The following EXOC4 variants were observed in gnomAD, a reference collection of about 807,000 sequenced individuals.
EXOC4 encodes the protein SEC8-like 1.
EXOC4 carries 71 observed loss-of-function variants against 107.2 expected under a neutral mutation model. The observed-to-expected ratio is 0.66, with a 90% confidence interval of 0.55 to 0.81. The LOEUF (loss-of-function observed/expected upper bound fraction) is 0.81, where lower values mean the gene tolerates loss of function less well. Ranked by LOEUF, EXOC4 falls within the 30% of genes least tolerant of loss-of-function variation. The probability of loss-of-function intolerance (pLI) is 0.00; values close to 1 mark genes in which losing one functional copy is unlikely to be tolerated. For missense variants in EXOC4, 1,108 were observed against 1,189.6 expected (o/e 0.93, Z 1.01); for synonymous variants, 456 against 441.2 (o/e 1.03, Z -0.42).
intron 9 of EXOC4, among the ~76,000 whole-genome samples, chr7:133,587,734 G>C (rs982914794): frequency 1.3e-5 from 2 of 152,136 alleles, no homozygotes; most frequent in Non-Finnish European, 2.9e-5. Context: ...TTAGAAAGAA[G>C]AACTCAGGAT....
chr7:133,983,375 C>A (rs1043580465), intron 14 of EXOC4, among the ~76,000 whole-genome samples: 1 of 152,086 alleles, frequency 6.6e-6, no homozygotes, highest in African/African-American at 2.4e-5. Context: ...GATGCAGCTG[C>A]CTCAGAAAGA....
chr7:133,846,490 A>G lies in EXOC4; in HGVS notation c.1734+28946A>G, dbSNP rs1798129693. 4.6e-5 allele frequency among the ~76,000 whole-genome samples: 7 copies of G among 152,134 alleles called. No individual in the cohort carries two copies. In the South Asian group the frequency reaches 1.4e-3, roughly 31 times the overall value. ...GTGGCGTTCATCCTGTAGTGTTCCT[A>G]CGGGTTTAGGGAGTCCCTTTCCAGT... is the stretch of plus-strand genomic sequence containing the variant. On this transcript the variant is annotated intron_variant, in intron 11 of 17. Transcript: ENST00000253861.
At chr7:133,311,862 G>C (rs1794879219) in intron 4 of EXOC4, among the ~76,000 whole-genome samples, 1 of 152,150 alleles carries the variant, frequency 6.6e-6, no homozygotes, top group African/African-American at 2.4e-5. Context: ...ATCATGAGTA[G>C]TCAGAGAAAT....
At chr7:133,853,896 T>C (rs928682925) in intron 11 of EXOC4, among the ~76,000 whole-genome samples, 1 of 152,204 alleles carries the variant, frequency 6.6e-6, no homozygotes, top group African/African-American at 2.4e-5. Flanking sequence ...AGGTGCATTC[T>C]TTGGCTGGCA....
At chr7:133,958,668 G>C (rs867219455) in intron 14 of EXOC4, among the ~76,000 whole-genome samples, 4 of 152,152 alleles carry the variant, frequency 2.6e-5, no homozygotes, top group Non-Finnish European at 5.9e-5. Flanking sequence ...CATTGAAAGA[G>C]GAAATGAAGA....
chr7:133,685,849 A>G (rs576778719), intron 10 of EXOC4, among the ~76,000 whole-genome samples: 4 of 152,222 alleles, frequency 2.6e-5, no homozygotes, highest in Admixed American at 2.0e-4. Context: ...TGTACATCAT[A>G]CCTATTAATT....
Position 133,559,399 on chromosome 7 carries a change from G to A in EXOC4, c.1418-70646G>A, listed in dbSNP as rs555409880. 2.6e-5 allele frequency among the ~76,000 whole-genome samples: 4 copies of A among 151,822 alleles called. No homozygotes were observed. The South Asian group carries it at 8.3e-4, about 32-fold the overall frequency. ...TTTAATTTTTCTGTATTACATCTAG[G>A]CCTTTAATCTATATAGAATTTATTT... On this transcript the variant is annotated intron_variant, in intron 9 of 17. Coordinates refer to ENST00000253861, the MANE Select transcript of EXOC4 (RefSeq NM_021807.4).
At chr7:133,331,708 G>T (rs1011642812) in intron 5 of EXOC4, among the ~76,000 whole-genome samples, 8 of 151,842 alleles carry the variant, frequency 5.3e-5, no homozygotes, top group Non-Finnish European at 1.0e-4. Context: ...CTTGTGATCC[G>T]CCCGCCTCGG....
intron 10 of EXOC4, among the ~76,000 whole-genome samples, chr7:133,716,360 G>A (rs1411741097): frequency 1.3e-5 from 2 of 152,188 alleles, no homozygotes; most frequent in East Asian, 1.9e-4. Context: ...ATATGGGAGC[G>A]AGTCTTGGGT....
intron 7 of EXOC4, among the ~76,000 whole-genome samples, chr7:133,474,610 GC>G: frequency 6.6e-6 from 1 of 152,236 alleles, no homozygotes; most frequent in East Asian, 1.9e-4. Context: ...ACTGTGCCTA[GC>G]TAGTAGTTGA....
At chr7:133,259,825 C>G (rs1023319973) in intron 1 of EXOC4, among the ~76,000 whole-genome samples, 3 of 152,096 alleles carry the variant, frequency 2.0e-5, no homozygotes, top group Non-Finnish European at 4.4e-5. Flanking sequence ...AATATGGGAT[C>G]TTACTCTATA....
chr7:133,278,203 G>A (rs1435928562), intron 2 of EXOC4, among the ~76,000 whole-genome samples: 1 of 152,162 alleles, frequency 6.6e-6, no homozygotes, highest in African/African-American at 2.4e-5. Context: ...AGATAACGTT[G>A]AACAACATTT....
At chr7:133,759,371 A>G (rs1233977287) in intron 10 of EXOC4, among the ~76,000 whole-genome samples, 2 of 152,206 alleles carry the variant, frequency 1.3e-5, no homozygotes, top group Non-Finnish European at 2.9e-5. Flanking sequence ...GGGAGAGGCT[A>G]CTAAATGATG....
chr7:133,973,470 T>C lies in EXOC4; in HGVS notation c.2207-24022T>C, dbSNP rs180829128. On this transcript the variant is annotated intron_variant, in intron 14 of 17. Transcript: ENST00000253861. Reference sequence around the variant, plus strand: ...GAAAAGGCTATGAAGTGGAAGAAAATATGGTGAGTTCAGAGTAATTCACAT... The same window carrying C: ...GAAAAGGCTATGAAGTGGAAGAAAACATGGTGAGTTCAGAGTAATTCACAT... 1.1e-4 allele frequency among the ~76,000 whole-genome samples: 16 copies of C among 152,188 alleles called. No individual in the cohort carries two copies. The East Asian group carries it at 3.1e-3, about 29-fold the overall frequency.
At chr7:133,919,300 A>C (rs1799884559) in intron 13 of EXOC4, among the ~76,000 whole-genome samples, 1 of 151,992 alleles carries the variant, frequency 6.6e-6, no homozygotes, top group East Asian at 1.9e-4. Context: ...ACCTCCCCCA[A>C]CCATTTCCTC....
intron 9 of EXOC4, among the ~76,000 whole-genome samples, chr7:133,516,293 A>T (rs1799874356): frequency 2.0e-5 from 3 of 152,192 alleles, no homozygotes; most frequent in South Asian, 4.1e-4. Flanking sequence ...CACCACAGTC[A>T]ATTTAAGGAC....
At chr7:133,337,162 TTTG>T (rs1795536941) in intron 5 of EXOC4, among the ~76,000 whole-genome samples, 1 of 152,214 alleles carries the variant, frequency 6.6e-6, no homozygotes, top group African/African-American at 2.4e-5. Flanking sequence ...TTGAATTCTA[TTTG>T]TTAATATTTT....
intron 10 of EXOC4, among the ~76,000 whole-genome samples, chr7:133,758,338 C>T (rs1795960930): frequency 6.6e-6 from 1 of 152,094 alleles, no homozygotes; most frequent in Non-Finnish European, 1.5e-5. Flanking sequence ...GGGGTTTCAC[C>T]ATGTTGGCCA....
chr7:133,807,138 A>G (rs1437440322), intron 10 of EXOC4, among the ~76,000 whole-genome samples: 2 of 152,176 alleles, frequency 1.3e-5, no homozygotes, highest in Non-Finnish European at 2.9e-5. Flanking sequence ...TGGAGTGTGC[A>G]CAGACCCAGA....
Sources: allele counts gnomAD v4.1 joint callset (sites outside exome capture counted in the v4.1 genomes callset), GRCh38; gene constraint gnomAD v4.1.1; transcripts MANE v1.5; gene names NCBI Gene and HGNC (gene_info 2026-07-23, HGNC 2026-07-21).